VWA8: variants seen among roughly 807,000 people sequenced by gnomAD.
The protein encoded by VWA8 is von Willebrand factor A domain containing 8.
In VWA8, 221 loss-of-function variants were observed where a neutral mutation model predicts 241.5. That is an observed-to-expected ratio of 0.91 (90% CI 0.82 to 1.02). The LOEUF (loss-of-function observed/expected upper bound fraction) is 1.02, where lower values mean the gene tolerates loss of function less well. Ranked by LOEUF, VWA8 falls within the 50% of genes least tolerant of loss-of-function variation. VWA8 has a pLI of 0.00. For synonymous variants in VWA8, 852 were observed against 827.1 expected, an observed-to-expected ratio of 1.03 and a Z score of -0.52; for missense variants, 2,322 against 2,328.7, an observed-to-expected ratio of 1.00 and a Z score of 0.06.
intron 1 of VWA8, among the ~76,000 whole-genome samples, chr13:41,958,940 C>T (rs1878466310): frequency 1.3e-5 from 2 of 152,184 alleles, no homozygotes; most frequent in South Asian, 4.1e-4. Flanking sequence ...TTTAAAAACT[C>T]ACACCCACAT....
In VWA8 at chr13:41,727,226, G is replaced by A; in HGVS notation, c.2726C>T (p.Pro909Leu). Residue 909 changes from proline to leucine, a missense_variant, in exon 24 of 45, where the codon CCT becomes CTT. Coordinates refer to ENST00000379310, the MANE Select transcript of VWA8 (RefSeq NM_015058.2). ...MIVLANRPGF[P>L]FLGNDFFGTL... ...ACCGAAGAAATCATTGCCTAGGAAA[G>A]GAAATCCAGGTCTATTTGCCAGAAC... is the stretch of plus-strand genomic sequence containing the variant. The A allele has an allele frequency of 6.5e-7, 1 of 1,548,566 alleles. No homozygotes were observed.
At chr13:41,849,482 C>G (rs74977542) in intron 12 of VWA8, among the ~76,000 whole-genome samples, 1 of 152,174 alleles carries the variant, frequency 6.6e-6, no homozygotes, top group African/African-American at 2.4e-5. Context: ...CGTCACTAAC[C>G]TCTGGCAAAC....
chr13:41,847,094 G>A (rs1872322379), intron 12 of VWA8, among the ~76,000 whole-genome samples: 1 of 152,044 alleles, frequency 6.6e-6, no homozygotes, highest in African/African-American at 2.4e-5. Flanking sequence ...ATATATATAT[G>A]AAGAGAGAAA....
intron 12 of VWA8, among the ~76,000 whole-genome samples, chr13:41,861,257 T>C (rs1247010964): frequency 2.0e-5 from 3 of 151,830 alleles, no homozygotes; most frequent in African/African-American, 4.8e-5. Flanking sequence ...ATACCCAGAA[T>C]ACATTAAAAG....
rs189020236 is a variant in VWA8, at chr13:41,626,231, A to G, written c.4612-11147T>C. Among the ~76,000 whole-genome samples the G allele has an allele frequency of 1.8e-4, 27 of 152,290 alleles. No homozygotes were observed. In the East Asian group the frequency reaches 4.4e-3, roughly 25 times the overall value. The stretch of plus-strand genomic sequence containing the variant: ...CATGTACCCTAAAACTTAAAGTATA[A>G]TAATAAAATTAAAAAGAAAACACTC... On this transcript the variant is annotated intron_variant, in intron 37 of 44. Transcript: ENST00000379310.
At position 41,727,326 on chromosome 13, in the gene VWA8, A is replaced by C; in HGVS notation, c.2639-13T>G. ...ACATTAGCAGAATCTGAAAAACAAA[A>C]TTTGTTTATTCTTTATCAATATTTA... On this transcript the variant is annotated splice_polypyrimidine_tract_variant and intron_variant, in intron 23 of 44. Coordinates refer to ENST00000379310, the MANE Select transcript of VWA8 (RefSeq NM_015058.2). The C allele has an allele frequency of 1.4e-6, 2 of 1,434,810 alleles. No homozygotes were observed. Among genetic ancestry groups the C allele is most frequent in the Non-Finnish European group, 1.9e-6 (2 of 1,070,056 alleles). 88.9% of individuals were successfully genotyped at this position (1,434,810 alleles called of 1,614,324 possible).
At chr13:41,646,162 C>T (rs776970402) in intron 37 of VWA8, among the ~76,000 whole-genome samples, 5 of 151,976 alleles carry the variant, frequency 3.3e-5, no homozygotes, top group African/African-American at 7.3e-5. Context: ...GAAGGGGTTT[C>T]CCCATGTTGG....
rs1878596697 is a variant in VWA8 at position 41,961,044 on chromosome 13, A to AG, written c.-30dup. ...GCCGGGGGGGCTGTCGGGGACGGCG[A>AG]GGGGGCTCGGGGATCGAGCGGCGTC... On this transcript the variant is annotated 5_prime_UTR_variant, in exon 1 of 45. Transcript: ENST00000379310. 1 of 1,352,804 alleles carries AG rather than the reference A, an allele frequency of 7.4e-7. No homozygotes were observed. The highest frequency in any genetic ancestry group is 9.4e-7 in the Non-Finnish European group (1 of 1,058,668). The allele number at this position is 1,352,804 out of a possible 1,614,324, so 83.8% of individuals were successfully genotyped here.
intron 21 of VWA8, among the ~76,000 whole-genome samples, chr13:41,741,594 AT>A (rs1027142089): frequency 6.6e-6 from 1 of 152,202 alleles, no homozygotes; most frequent in Non-Finnish European, 1.5e-5. Context: ...AGGGTATAAC[AT>A]TTTTTTATGT....
At position 41,572,288 on chromosome 13, in the gene VWA8, C is replaced by T. The variant is rs552374505; in HGVS notation, c.5371-1582G>A. 4.6e-5 allele frequency among the ~76,000 whole-genome samples: 7 copies of T among 152,360 alleles called. No individual in the cohort carries two copies. The South Asian group carries it at 8.3e-4, about 18-fold the overall frequency. On this transcript the variant is annotated intron_variant, in intron 43 of 44. Coordinates refer to ENST00000379310, the MANE Select transcript of VWA8 (RefSeq NM_015058.2). ...GAGCCCCTCTGCCAGGCTGCCACCC[C>T]GTCTGGGAGGTGTACCCAACAGCTC...
intron 21 of VWA8, among the ~76,000 whole-genome samples, chr13:41,732,901 T>C (rs941852294): frequency 6.6e-6 from 1 of 152,208 alleles, no homozygotes; most frequent in African/African-American, 2.4e-5. Context: ...GCAGGTGATA[T>C]GTAGGGTCAG....
intron 2 of VWA8, among the ~76,000 whole-genome samples, chr13:41,920,445 A>T (rs781637849): frequency 3.3e-5 from 5 of 152,230 alleles, no homozygotes; most frequent in Non-Finnish European, 4.4e-5. Context: ...TCAGAGCAGA[A>T]CTGAAGAAGA....
At position 41,627,008 on chromosome 13, in the gene VWA8, G is replaced by T. The variant is rs1301996922; in HGVS notation, c.4612-11924C>A. 3.9e-5 allele frequency among the ~76,000 whole-genome samples: 6 copies of T among 152,034 alleles called. No individual in the cohort carries two copies. In the East Asian group the frequency reaches 1.2e-3, roughly 29 times the overall value. ...ACCTATGGAGTGGGAGAAAATATTT[G>T]CAAACTATGCATCCAACAAAGATCT... On this transcript the variant is annotated intron_variant, in intron 37 of 44. Transcript: ENST00000379310.
chr13:41,666,988 C>A (rs911642310), intron 37 of VWA8, among the ~76,000 whole-genome samples: 2 of 152,142 alleles, frequency 1.3e-5, no homozygotes, highest in Non-Finnish European at 2.9e-5. Flanking sequence ...CAATGATCCA[C>A]TGAATCAGAC....
At position 41,729,573 on chromosome 13, in the gene VWA8, C is replaced by A. The variant is rs750152710; in HGVS notation, c.2607G>T (p.Met869Ile). Residue 869 changes from methionine to isoleucine, a missense_variant, in exon 23 of 45, where the codon ATG becomes ATT. By Grantham distance (10) the Met-to-Ile change is conservative (BLOSUM62 1). Transcript: ENST00000379310. ...CAATGCGTCTTCCATCTGCTAGAAT[C>A]ATTTCTCCATTTTCTACTAGAGTTT... ...ILKTLVENGE[M>I]ILADGRRIVA... 15 of 1,612,426 alleles carry A rather than the reference C, an allele frequency of 9.3e-6. No individual in the cohort carries two copies. The highest frequency in any genetic ancestry group is 1.3e-5 in the Non-Finnish European group (15 of 1,179,290).
At chr13:41,836,389 A>G (rs1196087207) in intron 12 of VWA8, among the ~76,000 whole-genome samples, 1 of 152,192 alleles carries the variant, frequency 6.6e-6, no homozygotes, top group Non-Finnish European at 1.5e-5. Context: ...AAAACAGCTG[A>G]TATCCTGGCC....
At chr13:41,670,912 C>A (rs748317697) in intron 37 of VWA8, 34 bp downstream of exon 37, 2 of 1,606,810 alleles carry the variant, frequency 1.2e-6, no homozygotes, top group Non-Finnish European at 1.7e-6. Flanking sequence ...CTTGAATGTG[C>A]ACCTCTAAGA....
chr13:41,755,111 T>C (rs1253033748), intron 21 of VWA8, among the ~76,000 whole-genome samples: 2 of 152,100 alleles, frequency 1.3e-5, no homozygotes, highest in African/African-American at 2.4e-5. Context: ...ATTTTCTTTC[T>C]TGTGGGTATA....
At chr13:41,608,263 A>G (rs570580029) in intron 39 of VWA8, among the ~76,000 whole-genome samples, 80 of 152,262 alleles carry the variant, frequency 5.3e-4, no homozygotes, top group African/African-American at 1.9e-3. Context: ...GGTTTTCAGA[A>G]AGATCACCTA....
Sources: allele counts gnomAD v4.1 joint callset (sites outside exome capture counted in the v4.1 genomes callset), GRCh38; gene constraint gnomAD v4.1.1; transcripts MANE v1.5; gene names NCBI Gene and HGNC (gene_info 2026-07-23, HGNC 2026-07-21).